The following PUM2 variants were observed in gnomAD, a reference collection of about 807,000 sequenced individuals.
The protein encoded by PUM2 is pumilio RNA binding family member 2.
In PUM2, 57 loss-of-function variants were observed where a neutral mutation model predicts 124.5. The ratio of observed to expected loss-of-function variants is 0.46; its 90% CI spans 0.37 to 0.57. The LOEUF is 0.57. Ranked by LOEUF, PUM2 falls within the 20% of genes least tolerant of loss-of-function variation. The pLI, the probability that PUM2 is intolerant of heterozygous loss-of-function variation, is 0.00. For synonymous variants in PUM2, 460 were observed against 446.1 expected (o/e 1.03, Z -0.39); for missense variants, 1,065 against 1,290.6 (o/e 0.83, Z 2.68).
chr2:20,337,216 C>CT (rs1573000164), intron 1 of PUM2, among the ~76,000 whole-genome samples: 1 of 151,696 alleles, frequency 6.6e-6, no homozygotes, highest in African/African-American at 2.4e-5. Context: ...ACTATAAAGA[C>CT]TTTTTTGAGA....
At position 20,318,571 on chromosome 2, in the gene PUM2, A is replaced by C. The variant is rs1159835324; in HGVS notation, c.126T>G (p.Asp42Glu). Residue 42 changes from aspartate (D) to glutamate (E), a missense_variant, in exon 3 of 21, where the codon GAT becomes GAG. By Grantham distance (45) the Asp-to-Glu change is conservative (BLOSUM62 2). Transcript: ENST00000361078. ...CCCATGCAGTCTCTCTCCATTCATCATCCCCAAGAAATATGCCTTTTTGTC... is the reference window on the plus strand; with the variant it reads ...CCCATGCAGTCTCTCTCCATTCATCCTCCCCAAGAAATATGCCTTTTTGTC... ...KDGQKGIFLG[D>E]DEWRETAWGA... 1.2e-6 allele frequency: 2 copies of C among 1,613,526 alleles called. No homozygotes were observed. The highest frequency in any genetic ancestry group is 1.7e-6 in the Non-Finnish European group (2 of 1,179,802).
intron 1 of PUM2, among the ~76,000 whole-genome samples, chr2:20,335,303 T>C (rs550840127): frequency 2.6e-5 from 4 of 152,252 alleles, no homozygotes; most frequent in Non-Finnish European, 5.9e-5. Flanking sequence ...TCCTAAAGAA[T>C]ACTTTCTTCT....
At chr2:20,291,663 C>CT (rs1674124042) in intron 9 of PUM2, among the ~76,000 whole-genome samples, 1 of 151,982 alleles carries the variant, frequency 6.6e-6, no homozygotes, top group African/African-American at 2.4e-5. Context: ...ACTGGAGCTG[C>CT]TCCCATCTTC....
chr2:20,303,626 A>G (rs548534672), intron 7 of PUM2, among the ~76,000 whole-genome samples: 4 of 152,278 alleles, frequency 2.6e-5, no homozygotes, highest in Non-Finnish European at 4.4e-5. Context: ...TGCTTTGTAC[A>G]TCCTTACTTA....
intron 8 of PUM2, among the ~76,000 whole-genome samples, chr2:20,294,852 T>A (rs1460752904): frequency 1.3e-5 from 2 of 152,248 alleles, no homozygotes; most frequent in Non-Finnish European, 2.9e-5. Context: ...TAAGATTTTT[T>A]AAATGCTCAT....
chr2:20,290,638 G>T lies in PUM2; in HGVS notation c.1291+14C>A. 2 of 1,594,668 alleles carry T rather than the reference G, an allele frequency of 1.3e-6. No individual in the cohort carries two copies. Among genetic ancestry groups the T allele is most frequent in the South Asian group, 2.3e-5 (2 of 87,312 alleles). Reference sequence around the variant, plus strand: ...GAAATCTATTCAAATTTCCACAAATGACCAATTGTATACCTGGCATGCCAG... The same window carrying T: ...GAAATCTATTCAAATTTCCACAAATTACCAATTGTATACCTGGCATGCCAG... On this transcript the variant is annotated intron_variant, in intron 10 of 20. Transcript: ENST00000361078.
Position 20,312,389 on chromosome 2 carries a change from T to A in PUM2, c.195A>T (p.Arg65Ser). ...HSMSQPIMVQ[R>S]RSGQGFHGNS... ...TTCCATGAAAACCCTGTCCAGATCT[T>A]CTCTGTACCATAATAGGCTGGGACA... Residue 65 changes from arginine (R) to serine (S), a missense_variant, in exon 4 of 21, where the codon AGA becomes AGT. Arg to Ser is a moderately radical substitution (Grantham distance 110, BLOSUM62 -1). Coordinates refer to ENST00000361078, the MANE Select transcript of PUM2 (RefSeq NM_015317.5). 1 of 1,613,810 alleles carries A rather than the reference T, an allele frequency of 6.2e-7. No homozygotes were observed. The highest frequency in any genetic ancestry group is 1.1e-5 in the South Asian group (1 of 91,066).
intron 1 of PUM2, among the ~76,000 whole-genome samples, chr2:20,345,724 T>C (rs1688121905): frequency 6.6e-6 from 1 of 151,922 alleles, no homozygotes; most frequent in Admixed American, 6.6e-5. Context: ...ATACAAAAAT[T>C]AGCCGGGCAT....
In PUM2 at chr2:20,251,550, T is replaced by G; in HGVS notation, c.*35A>C. On this transcript the variant is annotated 3_prime_UTR_variant, in exon 21 of 21. Coordinates refer to ENST00000361078, the MANE Select transcript of PUM2 (RefSeq NM_015317.5). Reference sequence around the variant, plus strand: ...CACACACAAAAAAATTCTTTTCACATGGTTAAATTATCTTCTTTCTCTTGC... The same window carrying G: ...CACACACAAAAAAATTCTTTTCACAGGGTTAAATTATCTTCTTTCTCTTGC... 1 of 1,580,030 alleles carries G rather than the reference T, an allele frequency of 6.3e-7. No homozygotes were observed. The highest frequency in any genetic ancestry group is 8.6e-7 in the Non-Finnish European group (1 of 1,161,298).
chr2:20,344,535 ACCTATCTCT>A (rs903960591), intron 1 of PUM2, among the ~76,000 whole-genome samples: 22 of 152,138 alleles, frequency 1.4e-4, no homozygotes, highest in African/African-American at 4.8e-4. Flanking sequence ...GTGGGCTTCT[ACCTATCTCT>A]CCTATCTCTC....
intron 3 of PUM2, among the ~76,000 whole-genome samples, chr2:20,317,730 C>T (rs1681335204): frequency 6.6e-6 from 1 of 152,096 alleles, no homozygotes; most frequent in Non-Finnish European, 1.5e-5. Context: ...AAGGAGGCCC[C>T]TATGTCTGTT....
In PUM2 at chr2:20,331,273, G is replaced by A. The variant is rs540691212; in HGVS notation, c.-18-3895C>T. Among the ~76,000 whole-genome samples the A allele has an allele frequency of 4.9e-4, 28 of 56,906 alleles. No homozygotes were observed. The East Asian group carries it at 0.013, about 27-fold the overall frequency. The allele number at this position is 56,906 out of a possible 152,430, so 37.3% of individuals were successfully genotyped here. A position where few individuals can be genotyped will look rare whatever the true frequency, so the allele number is the denominator to read the frequency against. On this transcript the variant is annotated intron_variant, in intron 1 of 20. Transcript: ENST00000361078. ...GGCCATGTGGTCACTCACTGTATGT[G>A]CTCAGTTACTAAACGTTACCAATGG...
intron 7 of PUM2, among the ~76,000 whole-genome samples, chr2:20,298,795 C>T (rs970242948): frequency 1.6e-4 from 24 of 152,244 alleles, no homozygotes; most frequent in African/African-American, 3.1e-4. Flanking sequence ...GCCGAGATAA[C>T]GCCACTGCAC....
rs1183102027 is a variant in PUM2, at chr2:20,350,731, C to G, written c.-153G>C. ...TTCTTTCTCCACCTACCACCCTCCC[C>G]CCCCACCCCACCTCCTCCTTCTCCT... On this transcript the variant is annotated 5_prime_UTR_variant, in exon 1 of 21. Transcript: ENST00000361078. 1 of 913,396 alleles carries G rather than the reference C, an allele frequency of 1.1e-6. No individual in the cohort carries two copies. Among genetic ancestry groups the G allele is most frequent in the Non-Finnish European group, 1.3e-6 (1 of 768,286 alleles). 56.6% of individuals were successfully genotyped at this position (913,396 alleles called of 1,614,324 possible).
At chr2:20,281,514 TA>T (rs1671514181) in intron 12 of PUM2, among the ~76,000 whole-genome samples, 1 of 152,316 alleles carries the variant, frequency 6.6e-6, no homozygotes, top group Admixed American at 6.5e-5. Context: ...ATTTATAATT[TA>T]AAAACTATTT....
intron 12 of PUM2, 117 bp from the exon 13 acceptor site, chr2:20,278,936 T>C: frequency 1.3e-6 from 1 of 764,876 alleles, no homozygotes; most frequent in Non-Finnish European, 2.1e-6. Flanking sequence ...TAGAAACATT[T>C]TGGAGAAGAT....
intron 3 of PUM2, 58 bp downstream of exon 3, chr2:20,318,479 T>C: frequency 1.4e-6 from 2 of 1,462,166 alleles, no homozygotes; most frequent in East Asian, 4.6e-5. Flanking sequence ...AAAGGTGCAT[T>C]ATGACTTATA....
intron 13 of PUM2, among the ~76,000 whole-genome samples, chr2:20,273,531 A>C (rs1669513100): frequency 6.6e-6 from 1 of 152,256 alleles, no homozygotes; most frequent in African/African-American, 2.4e-5. Context: ...TAGTAATCTA[A>C]AACAAGTACA....
At chr2:20,344,419 C>CTAACTACACAGTAAT (rs1444068176) in intron 1 of PUM2, among the ~76,000 whole-genome samples, 6 of 152,190 alleles carry the variant, frequency 3.9e-5, no homozygotes, top group Admixed American at 2.0e-4. Context: ...TCCAGGAAAA[C>CTAACTACACAGTAAT]TAACTACACA....
Sources: allele counts gnomAD v4.1 joint callset (sites outside exome capture counted in the v4.1 genomes callset), GRCh38; gene constraint gnomAD v4.1.1; transcripts MANE v1.5; gene names NCBI Gene and HGNC (gene_info 2026-07-23, HGNC 2026-07-21).